STUM: variants seen among roughly 807,000 people sequenced by gnomAD.
STUM encodes the protein protein stum homolog.
A neutral mutation model predicts 15.3 loss-of-function variants in STUM; 8 were observed. The ratio of observed to expected loss-of-function variants is 0.52; its 90% CI spans 0.31 to 0.94. STUM has a LOEUF of 0.94. Ranked by LOEUF, STUM falls within the 40% of genes least tolerant of loss-of-function variation. The pLI, the probability that STUM is intolerant of heterozygous loss-of-function variation, is 0.05. For synonymous variants in STUM, 78 were observed against 88.7 expected (o/e 0.88, Z 0.68); for missense variants, 142 against 204.9 (o/e 0.69, Z 1.87).
intron 1 of STUM, among the ~76,000 whole-genome samples, chr1:226,566,377 G>T (rs928937535): frequency 6.6e-6 from 1 of 152,120 alleles, no homozygotes; most frequent in African/African-American, 2.4e-5. Context: ...TGTGTGATTT[G>T]TGTGCAGACT....
intron 1 of STUM, among the ~76,000 whole-genome samples, chr1:226,566,073 C>T (rs915636483): frequency 2.0e-5 from 3 of 152,206 alleles, no homozygotes; most frequent in Non-Finnish European, 4.4e-5. Context: ...TTCTTCTGTT[C>T]CTCTTCCCTT....
intron 1 of STUM, among the ~76,000 whole-genome samples, chr1:226,555,623 G>T (rs932057925): frequency 2.6e-5 from 4 of 152,194 alleles, no homozygotes; most frequent in African/African-American, 9.7e-5. Context: ...ACGTTCTCCT[G>T]TATTACTGCA....
Position 226,549,237 on chromosome 1 carries a change from C to G in STUM, c.202+131C>G, listed in dbSNP as rs1190477439. ...AAGTGCTGCGACCACGCGCCACCGCCCGCTCCTGGCGTCCCCGGGCAGGTG... is the reference window on the plus strand; with the variant it reads ...AAGTGCTGCGACCACGCGCCACCGCGCGCTCCTGGCGTCCCCGGGCAGGTG... On this transcript the variant is annotated intron_variant, in intron 1 of 3. Coordinates refer to ENST00000366788, the MANE Select transcript of STUM (RefSeq NM_001003665.4). This position sits in a 1 kb window ranked among gnomAD's most constrained non-coding sequence, Gnocchi z 6.8. The G allele has an allele frequency of 3.4e-5, 25 of 746,066 alleles. No individual in the cohort carries two copies. The highest frequency in any genetic ancestry group is 4.6e-5 in the Non-Finnish European group (22 of 482,682). The allele number at this position is 746,066 out of a possible 1,614,324, so 46.2% of individuals were successfully genotyped here. A position where few individuals can be genotyped will look rare whatever the true frequency, so the allele number is the denominator to read the frequency against.
intron 1 of STUM, among the ~76,000 whole-genome samples, chr1:226,578,085 T>C (rs981555658): frequency 6.6e-6 from 1 of 152,204 alleles, no homozygotes; most frequent in African/African-American, 2.4e-5. Context: ...TGGACCTTGT[T>C]GGACCTTGGT....
chr1:226,592,539 A>G (rs1049663892), intron 1 of STUM, among the ~76,000 whole-genome samples: 1 of 152,180 alleles, frequency 6.6e-6, no homozygotes, highest in Admixed American at 6.5e-5. Flanking sequence ...TAAGAATAAG[A>G]GGTAATGTAG....
intron 1 of STUM, among the ~76,000 whole-genome samples, chr1:226,558,397 A>G (rs967123825): frequency 6.6e-6 from 1 of 152,182 alleles, no homozygotes; most frequent in Non-Finnish European, 1.5e-5. Flanking sequence ...GGTGACTAAC[A>G]AGCACTTCCA....
intron 1 of STUM, among the ~76,000 whole-genome samples, chr1:226,560,780 C>T (rs1416296479): frequency 6.6e-6 from 1 of 152,186 alleles, no homozygotes; most frequent in Non-Finnish European, 1.5e-5. Flanking sequence ...TTGATTTTCT[C>T]TGTTAGCAGA....
intron 1 of STUM, among the ~76,000 whole-genome samples, chr1:226,579,814 T>C (rs775364684): frequency 6.6e-6 from 1 of 151,938 alleles, no homozygotes; most frequent in African/African-American, 2.4e-5. Context: ...AAATTTTTTT[T>C]TGTAGAGATG....
chr1:226,566,995 C>A (rs1667635681), intron 1 of STUM, among the ~76,000 whole-genome samples: 1 of 152,156 alleles, frequency 6.6e-6, no homozygotes, highest in African/African-American at 2.4e-5. Context: ...TTGCTGCTTC[C>A]CGCAAATGCT....
intron 1 of STUM, among the ~76,000 whole-genome samples, chr1:226,561,812 A>G (rs959421888): frequency 5.9e-5 from 9 of 152,166 alleles, no homozygotes; most frequent in African/African-American, 1.9e-4. Flanking sequence ...GAATGCTTCT[A>G]ACTTACACAG....
intron 1 of STUM, among the ~76,000 whole-genome samples, chr1:226,588,276 C>G (rs565116941): frequency 6.6e-6 from 1 of 152,340 alleles, no homozygotes; most frequent in East Asian, 1.9e-4. Context: ...CAGACCTGCT[C>G]AGCTTCGAAC....
At position 226,602,008 on chromosome 1, in the gene STUM, T is replaced by C. The variant is rs1668275995; in HGVS notation, c.394T>C (p.Tyr132His). Residue 132 changes from tyrosine to histidine, a missense_variant and splice_region_variant, in exon 4 of 4, where the codon TAC becomes CAC. Physicochemically the swap from Tyr to His is moderately conservative, Grantham distance 83 (BLOSUM62 2). This residue lies in a region of STUM where 29 missense variants were observed against 70.5 expected (regional missense o/e 0.41). Transcript: ENST00000366788. ...DMVILAISQG[Y>H]KEQGIPQQL ...TCTCCTTTGCTTCTTCCTCACAGGCTACAAGGAGCAGGGCATCCCACAGCA... is the reference window on the plus strand; with the variant it reads ...TCTCCTTTGCTTCTTCCTCACAGGCCACAAGGAGCAGGGCATCCCACAGCA... The C allele has an allele frequency of 1.2e-6, 2 of 1,609,706 alleles. No individual in the cohort carries two copies. Among genetic ancestry groups the C allele is most frequent in the East Asian group, 2.2e-5 (1 of 44,874 alleles).
chr1:226,581,901 G>A (rs1389333327), intron 1 of STUM, among the ~76,000 whole-genome samples: 1 of 152,224 alleles, frequency 6.6e-6, no homozygotes, highest in Non-Finnish European at 1.5e-5. Flanking sequence ...CATCCACTGT[G>A]GAGTGTTGTA....
chr1:226,549,093 C>G lies in STUM; in HGVS notation c.189C>G (p.Phe63Leu). 2 of 1,579,478 alleles carry G rather than the reference C, an allele frequency of 1.3e-6. No homozygotes were observed. Among genetic ancestry groups the G allele is most frequent in the South Asian group, 1.1e-5 (1 of 87,424 alleles). ...TCATCTGCCTCTTCCTCAACACTTT[C>G]GTGCCGGGACTGGGTAAGACACGGC... Reference protein sequence around the residue: ...VAVICLFLNTFVPGLGTFVSA... With the variant: ...VAVICLFLNTLVPGLGTFVSA... Residue 63 changes from phenylalanine to leucine, a missense_variant, in exon 1 of 4, where the codon TTC becomes TTG. Phe to Leu is a conservative substitution (Grantham distance 22). Around this residue, in one of 2 missense-constraint regions of STUM, gnomAD observed 113 missense variants for 134.4 expected, o/e 0.84. Coordinates refer to ENST00000366788, the MANE Select transcript of STUM (RefSeq NM_001003665.4). This position sits in a 1 kb window ranked among gnomAD's most constrained non-coding sequence, Gnocchi z 6.8.
rs551636433 is a variant in STUM, at chr1:226,565,019, G to A, written c.202+15913G>A. On this transcript the variant is annotated intron_variant, in intron 1 of 3. Coordinates refer to ENST00000366788, the MANE Select transcript of STUM (RefSeq NM_001003665.4). This position sits in a 1 kb window ranked among gnomAD's most constrained non-coding sequence, Gnocchi z 4.4. Reference sequence around the variant, plus strand: ...TGGACCCGAGGAGGCCGACCTCTACGGCCTGCATCACCAGTCCCCTTGCCC... The same window carrying A: ...TGGACCCGAGGAGGCCGACCTCTACAGCCTGCATCACCAGTCCCCTTGCCC... Among the ~76,000 whole-genome samples, 74 of 152,230 alleles carry A rather than the reference G, an allele frequency of 4.9e-4. No individual in the cohort carries two copies. Among genetic ancestry groups the A allele is most frequent in the African/African-American group, 1.7e-3 (69 of 41,536 alleles).
intron 1 of STUM, among the ~76,000 whole-genome samples, chr1:226,554,037 C>A (rs1027620611): frequency 6.6e-6 from 1 of 152,236 alleles, no homozygotes; most frequent in Non-Finnish European, 1.5e-5. Context: ...TAGGAGAATA[C>A]TTCCTCCCCT....
chr1:226,594,280 G>A (rs1370964854), intron 1 of STUM, among the ~76,000 whole-genome samples: 1 of 152,162 alleles, frequency 6.6e-6, no homozygotes, highest in Non-Finnish European at 1.5e-5. Flanking sequence ...TGGTGGCGGT[G>A]GTTAAGATGA....
chr1:226,593,336 C>T (rs1449105809), intron 1 of STUM, among the ~76,000 whole-genome samples: 1 of 152,116 alleles, frequency 6.6e-6, no homozygotes, highest in Non-Finnish European at 1.5e-5. Flanking sequence ...CAAAGCCTTC[C>T]ACAAATGGCC....
Position 226,596,684 on chromosome 1 carries a change from G to A in STUM, c.203-118G>A, listed in dbSNP as rs1431192968. ...CTCAGAGGACAGGGTGCCAGACATC[G>A]GTGGTTCTTCTCTGAGTTCTTGGAG... On this transcript the variant is annotated intron_variant, in intron 1 of 3. Coordinates refer to ENST00000366788, the MANE Select transcript of STUM (RefSeq NM_001003665.4). The A allele has an allele frequency of 1.4e-5, 12 of 882,302 alleles. No individual in the cohort carries two copies. The East Asian group carries it at 1.5e-4, about 11-fold the overall frequency. The allele number at this position is 882,302 out of a possible 1,614,324, so 54.7% of individuals were successfully genotyped here. A position where few individuals can be genotyped will look rare whatever the true frequency, so the allele number is the denominator to read the frequency against.
Sources: gnomAD v4.1 joint callset for allele counts (sites outside exome capture counted in the v4.1 genomes callset) on GRCh38, gnomAD v4.1.1 for gene constraint, gnomAD v4.1.1 regional missense constraint, Gnocchi (gnomAD v3.1) non-coding constraint, MANE v1.5 for transcripts, NCBI Gene and HGNC (gene_info 2026-07-23, HGNC 2026-07-21) for gene names.